The following ABTB3 variants were observed in gnomAD, a reference collection of about 807,000 sequenced individuals.
The protein encoded by ABTB3 is ankyrin repeat- and BTB/POZ domain-containing protein 3.
the ABTB3 span, among the ~76,000 whole-genome samples, chr12:107,423,275 A>G: frequency 6.6e-6 from 1 of 152,262 alleles, no homozygotes. Context: ...GTATGCTTTC[A>G]CATAGACATA....
chr12:107,597,016 C>T, the ABTB3 span, among the ~76,000 whole-genome samples: 2 of 152,234 alleles, frequency 1.3e-5, no homozygotes, highest in East Asian at 3.8e-4. Flanking sequence ...TCCCTTAGAA[C>T]TCTACTGAGC....
At chr12:107,657,852 T>G in the ABTB3 span, 2 of 829,240 alleles carry the variant, frequency 2.4e-6, no homozygotes, top group Non-Finnish European at 3.8e-6. Flanking sequence ...TGCTCCCACG[T>G]GTTCCTGTTG....
At chr12:107,543,726 T>A in the ABTB3 span, among the ~76,000 whole-genome samples, 1 of 152,022 alleles carries the variant, frequency 6.6e-6, no homozygotes, top group African/African-American at 2.4e-5. Context: ...CCCTCTGTGC[T>A]TGAAACGCAC....
At chr12:107,477,825 T>C in the ABTB3 span, among the ~76,000 whole-genome samples, 1 of 152,194 alleles carries the variant, frequency 6.6e-6, no homozygotes, top group Admixed American at 6.5e-5. Flanking sequence ...CCATTCTATA[T>C]AGATGCTTAC....
chr12:107,503,127 G>A, the ABTB3 span, among the ~76,000 whole-genome samples: 54 of 152,288 alleles, frequency 3.5e-4, no homozygotes, highest in South Asian at 2.1e-3. Flanking sequence ...CTTTATTATC[G>A]TTTCCGAGGG....
the ABTB3 span, among the ~76,000 whole-genome samples, chr12:107,504,841 G>A: frequency 6.6e-6 from 1 of 152,344 alleles, no homozygotes; most frequent in East Asian, 1.9e-4. Flanking sequence ...CTGACAGCTG[G>A]TGTGAAGTCT....
chr12:107,505,533 G>GAAAACA, the ABTB3 span, among the ~76,000 whole-genome samples: 5 of 151,286 alleles, frequency 3.3e-5, no homozygotes, highest in Non-Finnish European at 7.4e-5. Context: ...GTTACTTGGG[G>GAAAACA]AAAACAAAAA....
chr12:107,413,982 C>T, the ABTB3 span, among the ~76,000 whole-genome samples: 29 of 152,162 alleles, frequency 1.9e-4, 1 homozygote, highest in Admixed American at 1.9e-3. Context: ...TTTTCTCAGC[C>T]TGGGCATCTG....
chr12:107,340,221 A>G, the ABTB3 span, among the ~76,000 whole-genome samples: 1 of 152,268 alleles, frequency 6.6e-6, no homozygotes, highest in African/African-American at 2.4e-5. Flanking sequence ...GAAGTGTTGG[A>G]TATTTTCTTG....
the ABTB3 span, among the ~76,000 whole-genome samples, chr12:107,428,910 G>T: frequency 6.6e-6 from 1 of 152,212 alleles, no homozygotes; most frequent in African/African-American, 2.4e-5. Flanking sequence ...CTCTTCTACA[G>T]ATGAAAAAAT....
At chr12:107,539,144 G>T in the ABTB3 span, among the ~76,000 whole-genome samples, 1 of 152,176 alleles carries the variant, frequency 6.6e-6, no homozygotes, top group Non-Finnish European at 1.5e-5. Context: ...AATAGAAAAC[G>T]TGTCTAAATG....
the ABTB3 span, among the ~76,000 whole-genome samples, chr12:107,386,957 G>T: frequency 2.7e-5 from 4 of 150,040 alleles, no homozygotes; most frequent in Non-Finnish European, 5.9e-5. Context: ...AGATGGTGTG[G>T]ATCAGACAGT....
chr12:107,651,781 T>C, the ABTB3 span: 50 of 1,612,972 alleles, frequency 3.1e-5, no homozygotes, highest in East Asian at 8.7e-4. Flanking sequence ...TTTACAACCA[T>C]GCCAAGGTAA....
the ABTB3 span, among the ~76,000 whole-genome samples, chr12:107,471,805 G>A: frequency 2.0e-5 from 3 of 152,258 alleles, no homozygotes; most frequent in East Asian, 5.8e-4. Context: ...CTGCCCCCGT[G>A]CCTAGAGTTC....
chr12:107,364,381 C>T, the ABTB3 span, among the ~76,000 whole-genome samples: 18 of 151,872 alleles, frequency 1.2e-4, no homozygotes, highest in East Asian at 7.8e-4. Context: ...CTCTGCCTCC[C>T]GGGTTCAAGT....
At chr12:107,603,110 T>C in the ABTB3 span, among the ~76,000 whole-genome samples, 1 of 152,218 alleles carries the variant, frequency 6.6e-6, no homozygotes, top group Non-Finnish European at 1.5e-5. Context: ...AGTCAGGCAC[T>C]CAAGAGGGCA....
the ABTB3 span, among the ~76,000 whole-genome samples, chr12:107,340,649 T>C: frequency 9.2e-5 from 14 of 152,032 alleles, no homozygotes; most frequent in Non-Finnish European, 1.6e-4. Context: ...ACATGAAGCA[T>C]CGATGCAACC....
At chr12:107,398,294 C>T in the ABTB3 span, among the ~76,000 whole-genome samples, 2 of 152,198 alleles carry the variant, frequency 1.3e-5, no homozygotes, top group African/African-American at 2.4e-5. Flanking sequence ...TTTATGCATG[C>T]CTATCCTCAC....
chr12:107,552,672 G>C, the ABTB3 span, among the ~76,000 whole-genome samples: 2 of 152,222 alleles, frequency 1.3e-5, no homozygotes, highest in Non-Finnish European at 2.9e-5. Flanking sequence ...GAAGCCCAGA[G>C]TGATGAGGGA....
Sources: allele counts gnomAD v4.1 joint callset (sites outside exome capture counted in the v4.1 genomes callset), GRCh38; gene constraint gnomAD v4.1.1; transcripts MANE v1.5; gene names NCBI Gene and HGNC (gene_info 2026-07-23, HGNC 2026-07-21).